Variants in ANK3 observed in about 807,000 individuals in gnomAD.
ANK3 encodes the protein ankyrin 3.
In ANK3, 57 loss-of-function variants were observed where a neutral mutation model predicts 370.9. The observed-to-expected ratio is 0.15, with a 90% CI of 0.12 to 0.19. The LOEUF (loss-of-function observed/expected upper bound fraction) is 0.19. Ranked by LOEUF, ANK3 falls within the 10% of genes least tolerant of loss-of-function variation. The pLI, the probability that ANK3 is intolerant of heterozygous loss-of-function variation, is 1.00. For synonymous variants in ANK3, 1,929 were observed against 1,946.3 expected, an observed-to-expected ratio of 0.99 and a Z score of 0.23; for missense variants, 4,439 against 5,302.1, an observed-to-expected ratio of 0.84 and a Z score of 5.06.
chr10:60,572,832 G>C (rs2077631094), intron 2 of ANK3: 1 of 1,123,064 alleles, frequency 8.9e-7, no homozygotes, highest in East Asian at 5.5e-5. Flanking sequence ...CTGAGATAAG[G>C]TCCTGACAAG....
chr10:60,303,341 G>A (rs2132813156), intron 1 of ANK3, among the ~76,000 whole-genome samples: 1 of 152,198 alleles, frequency 6.6e-6, no homozygotes, highest in Non-Finnish European at 1.5e-5. Context: ...AAAATATAAT[G>A]AATTCATACA....
Position 60,070,334 on chromosome 10 carries a change from G to A in ANK3, c.10547C>T (p.Pro3516Leu). The A allele has an allele frequency of 6.2e-7, 1 of 1,614,096 alleles. No homozygotes were observed. The highest frequency in any genetic ancestry group is 8.5e-7 in the Non-Finnish European group (1 of 1,180,016). ...TACTTTGTAACTGAAGTAAGTATCA[G>A]GAAACACTGATCTGTCAGGATGTCT... ...EGRHPDRSVF[P>L]DTYFSYKVDE... Residue 3516 changes from proline (P) to leucine (L), a missense_variant, in exon 37 of 44, where the codon CCT becomes CTT. Transcript: ENST00000280772. The surrounding 1 kb of genome is among the most constrained non-coding windows in gnomAD (Gnocchi z 5.7).
At chr10:60,475,692 C>T (rs1173132877) in intron 2 of ANK3, among the ~76,000 whole-genome samples, 1 of 152,016 alleles carries the variant, frequency 6.6e-6, no homozygotes, top group Non-Finnish European at 1.5e-5. Flanking sequence ...AAGGAGAGAA[C>T]ATATTACTAA....
At chr10:60,255,299 C>T (rs2097718930) in intron 7 of ANK3, among the ~76,000 whole-genome samples, 1 of 152,098 alleles carries the variant, frequency 6.6e-6, no homozygotes, top group Admixed American at 6.5e-5. Context: ...TTTGGTGACT[C>T]TATTAATATG....
chr10:60,413,131 A>C (rs1215967180), intron 2 of ANK3, among the ~76,000 whole-genome samples: 1 of 152,252 alleles, frequency 6.6e-6, no homozygotes. Context: ...TATAAAAGAG[A>C]ATTGTAGCAA....
At chr10:60,157,334 GC>G (rs763691255) in intron 23 of ANK3, among the ~76,000 whole-genome samples, 1 of 131,526 alleles carries the variant, frequency 7.6e-6, no homozygotes, top group Non-Finnish European at 1.6e-5. Flanking sequence ...ACTGTGCCCG[GC>G]TTTTTTTTTT....
At chr10:60,267,111 A>G (rs1418099018) in intron 5 of ANK3, among the ~76,000 whole-genome samples, 1 of 152,214 alleles carries the variant, frequency 6.6e-6, no homozygotes, top group Non-Finnish European at 1.5e-5. Flanking sequence ...TGAAAAAAAT[A>G]CATTTGAAAG....
rs117048355 is a variant in ANK3 at position 60,618,474 on chromosome 10, C to A, written c.58-3250G>T. Among the ~76,000 whole-genome samples the A allele has an allele frequency of 2.7e-4, 41 of 152,234 alleles. No homozygotes were observed. In the East Asian group the frequency reaches 7.7e-3, roughly 29 times the overall value. On this transcript the variant is annotated intron_variant, in intron 1 of 43. Transcript: ENST00000373827. The stretch of plus-strand genomic sequence containing the variant: ...CAGGTGGGACTTCTCCTTAGTCATC[C>A]TCTAAGCAGAGAGAATAAAAAACTC...
intron 2 of ANK3, among the ~76,000 whole-genome samples, chr10:60,429,422 T>C (rs1470501422): frequency 6.6e-6 from 1 of 152,060 alleles, no homozygotes; most frequent in African/African-American, 2.4e-5. Flanking sequence ...CCAAGTAAAA[T>C]AGGTACTCTT....
chr10:60,175,660 C>A (rs146014313), intron 18 of ANK3, among the ~76,000 whole-genome samples: 48 of 152,220 alleles, frequency 3.2e-4, no homozygotes, highest in Admixed American at 9.2e-4. Context: ...TCTTGATTAC[C>A]AAGTAGTAGA....
rs2393606 is a variant in ANK3 at position 60,042,617 on chromosome 10, A to T, written c.*19+55T>A. ...ATCAGAATCACTTATTTAGTGAAAA[A>T]TATAAGTTTCACAGGAATTTAAGTC... On this transcript the variant is annotated intron_variant, in intron 43 of 43. Transcript: ENST00000280772. The T allele has an allele frequency of 0.75, 1,130,674 of 1,501,086 alleles. 428,228 individuals are homozygous for T. Among genetic ancestry groups the T allele is most frequent in the East Asian group, 0.79 (34,280 of 43,508 alleles). 93.0% of individuals were successfully genotyped at this position (1,501,086 alleles called of 1,614,324 possible).
intron 16 of ANK3, among the ~76,000 whole-genome samples, chr10:60,194,671 G>A (rs773018814): frequency 4.6e-4 from 70 of 152,060 alleles, no homozygotes; most frequent in Non-Finnish European, 9.3e-4. Context: ...TATTTGCATT[G>A]TTTCCACCTT....
chr10:60,120,691 T>C (rs1432023026), intron 25 of ANK3, among the ~76,000 whole-genome samples: 1 of 151,952 alleles, frequency 6.6e-6, no homozygotes, highest in East Asian at 1.9e-4. Flanking sequence ...AAAGAAGACA[T>C]ACAAATGGCA....
At chr10:60,137,829 A>G (rs1480777802) in intron 24 of ANK3, among the ~76,000 whole-genome samples, 1 of 152,144 alleles carries the variant, frequency 6.6e-6, no homozygotes, top group Non-Finnish European at 1.5e-5. Context: ...AAAAGCTATA[A>G]ATCTCTACAA....
intron 2 of ANK3, among the ~76,000 whole-genome samples, chr10:60,490,445 G>A (rs1351186437): frequency 6.6e-6 from 1 of 151,894 alleles, no homozygotes; most frequent in East Asian, 1.9e-4. Flanking sequence ...ACTAAAAACT[G>A]TTGTCCTGCC....
At chr10:60,517,991 C>T (rs764411914) in intron 2 of ANK3, among the ~76,000 whole-genome samples, 7 of 152,236 alleles carry the variant, frequency 4.6e-5, no homozygotes, top group Non-Finnish European at 8.8e-5. Flanking sequence ...GAGAATAATA[C>T]TACATCTCAG....
chr10:60,706,564 G>A (rs1263715830), intron 1 of ANK3, among the ~76,000 whole-genome samples: 1 of 151,884 alleles, frequency 6.6e-6, no homozygotes, highest in Non-Finnish European at 1.5e-5. Context: ...GCCCCTCTCA[G>A]GTGTATACTT....
intron 25 of ANK3, among the ~76,000 whole-genome samples, chr10:60,130,457 G>A (rs113618506): frequency 0.022 from 3,394 of 152,226 alleles, 50 homozygotes; most frequent in Non-Finnish European, 0.032. Context: ...TACTTGTCAG[G>A]GCAAATTTAA....
At chr10:60,193,305 G>A (rs994804690) in intron 16 of ANK3, among the ~76,000 whole-genome samples, 1 of 152,202 alleles carries the variant, frequency 6.6e-6, no homozygotes, top group African/African-American at 2.4e-5. Context: ...ACTAAGTCTT[G>A]TTTGACAAAT....
Sources: allele counts gnomAD v4.1 joint callset (sites outside exome capture counted in the v4.1 genomes callset), GRCh38; gene constraint gnomAD v4.1.1; non-coding constraint Gnocchi (gnomAD v3.1); transcripts MANE v1.5; gene names NCBI Gene and HGNC (gene_info 2026-07-23, HGNC 2026-07-21).